Variants in ARHGAP15 observed in about 807,000 individuals in gnomAD.
ARHGAP15 encodes the protein Rho GTPase activating protein 15, also known as rho GTPase-activating protein 15.
ARHGAP15 carries 51 observed loss-of-function variants against 63.7 expected under a neutral mutation model. The ratio of observed to expected loss-of-function variants is 0.80; its 90% CI spans 0.64 to 1.01. ARHGAP15 has a LOEUF of 1.01. ARHGAP15 is among the 50% of genes least tolerant of loss of function. The pLI, the probability that ARHGAP15 is intolerant of heterozygous loss-of-function variation, is 0.00. For missense variants in ARHGAP15, 560 were observed against 564.6 expected, an observed-to-expected ratio of 0.99 and a Z score of 0.08; for synonymous variants, 191 against 193.8, an observed-to-expected ratio of 0.99 and a Z score of 0.12.
chr2:143,702,405 T>C (rs749481618), intron 12 of ARHGAP15, among the ~76,000 whole-genome samples: 2 of 152,190 alleles, frequency 1.3e-5, no homozygotes, highest in African/African-American at 2.4e-5. Context: ...AAATATGCTA[T>C]TTCAATTTTT....
Position 143,202,665 on chromosome 2 carries a change from T to G in ARHGAP15, c.234+463T>G, listed in dbSNP as rs116853654. Among the ~76,000 whole-genome samples the G allele has an allele frequency of 2.0e-3, 302 of 152,232 alleles. No homozygotes were observed. The East Asian group carries it at 0.021, about 10-fold the overall frequency. ...TTTGCCACATTCTTTTGGTTAAAAT[T>G]AAGTCATTAAGTCTAGTTCACACAA... On this transcript the variant is annotated intron_variant, in intron 3 of 13. Coordinates refer to ENST00000295095, the MANE Select transcript of ARHGAP15 (RefSeq NM_018460.4).
intron 1 of ARHGAP15, among the ~76,000 whole-genome samples, chr2:143,153,830 CTTCTTCTTCTTCT>C (rs1689950325): frequency 4.1e-4 from 38 of 93,220 alleles, no homozygotes; most frequent in African/African-American, 1.4e-3. Context: ...TCTTCTTCTT[CTTCTTCTTCTTCT>C]TCCTCCTCCT....
chr2:143,557,505 G>A (rs72990840), intron 11 of ARHGAP15, among the ~76,000 whole-genome samples: 237 of 152,068 alleles, frequency 1.6e-3, no homozygotes, highest in African/African-American at 5.3e-3. Context: ...GTGAGCACAG[G>A]GGATTTTGAG....
chr2:143,648,088 A>C (rs1472341344), intron 12 of ARHGAP15, among the ~76,000 whole-genome samples: 1 of 152,048 alleles, frequency 6.6e-6, no homozygotes, highest in Non-Finnish European at 1.5e-5. Flanking sequence ...GAGTCCTCTT[A>C]ACCCTGGGCA....
At chr2:143,534,650 G>A (rs964717057) in intron 10 of ARHGAP15, among the ~76,000 whole-genome samples, 5 of 152,074 alleles carry the variant, frequency 3.3e-5, no homozygotes, top group Admixed American at 2.0e-4. Flanking sequence ...AGGCTGAGGT[G>A]GGCAGATCTC....
At chr2:143,405,318 C>T (rs1276924834) in intron 6 of ARHGAP15, among the ~76,000 whole-genome samples, 1 of 150,766 alleles carries the variant, frequency 6.6e-6, no homozygotes, top group Non-Finnish European at 1.5e-5. Flanking sequence ...TGTATCGTGG[C>T]CTTAATCAAA....
chr2:143,249,655 G>C (rs907796625), intron 5 of ARHGAP15, among the ~76,000 whole-genome samples: 7 of 152,002 alleles, frequency 4.6e-5, no homozygotes, highest in African/African-American at 1.4e-4. Flanking sequence ...AAAAATAATT[G>C]GCGGTATGGA....
At chr2:143,541,411 T>G (rs4278878) in intron 10 of ARHGAP15, among the ~76,000 whole-genome samples, 47,748 of 152,064 alleles carry the variant, frequency 0.31, 8,027 homozygotes, top group East Asian at 0.42. Context: ...TTTGTTCTGT[T>G]GCTGGTGAGG....
chr2:143,710,237 C>T (rs747761568), intron 13 of ARHGAP15, among the ~76,000 whole-genome samples: 1 of 151,986 alleles, frequency 6.6e-6, no homozygotes, highest in Non-Finnish European at 1.5e-5. Context: ...AGCTCCTTTG[C>T]TTTTGTATTT....
At chr2:143,694,394 G>T (rs1290747067) in intron 12 of ARHGAP15, among the ~76,000 whole-genome samples, 2 of 152,196 alleles carry the variant, frequency 1.3e-5, no homozygotes, top group Non-Finnish European at 2.9e-5. Context: ...TAGGACCCAT[G>T]TGGTAAAATG....
At chr2:143,717,577 C>T (rs115424579) in intron 13 of ARHGAP15, among the ~76,000 whole-genome samples, 2,306 of 152,334 alleles carry the variant, frequency 0.015, 26 homozygotes, top group Middle Eastern at 0.027. Context: ...CACTTCTTGT[C>T]AGCAAAGCTC....
intron 9 of ARHGAP15, among the ~76,000 whole-genome samples, chr2:143,498,094 C>T (rs994635489): frequency 1.1e-4 from 16 of 152,242 alleles, no homozygotes; most frequent in Non-Finnish European, 2.4e-4. Flanking sequence ...ACAGTTTGGC[C>T]TACAAATCTT....
chr2:143,412,517 A>C (rs1259832346), intron 6 of ARHGAP15, among the ~76,000 whole-genome samples: 1 of 152,152 alleles, frequency 6.6e-6, no homozygotes, highest in Non-Finnish European at 1.5e-5. Context: ...TTCTTGTGAA[A>C]ATTACTTTTA....
intron 6 of ARHGAP15, among the ~76,000 whole-genome samples, chr2:143,416,716 G>C (rs1207406651): frequency 6.6e-6 from 1 of 151,954 alleles, no homozygotes; most frequent in Non-Finnish European, 1.5e-5. Context: ...GTTCTCACGG[G>C]CACAGCAACG....
At chr2:143,697,355 AG>A (rs983255550) in intron 12 of ARHGAP15, among the ~76,000 whole-genome samples, 1 of 152,316 alleles carries the variant, frequency 6.6e-6, no homozygotes, top group Admixed American at 6.5e-5. Flanking sequence ...GAGGACTTAC[AG>A]GGGACTTACT....
intron 2 of ARHGAP15, among the ~76,000 whole-genome samples, chr2:143,172,810 A>C (rs1690845189): frequency 6.6e-6 from 1 of 152,112 alleles, no homozygotes; most frequent in South Asian, 2.1e-4. Context: ...AGGGACAATC[A>C]ATTACGTGAG....
At chr2:143,318,925 T>C (rs1427169592) in intron 6 of ARHGAP15, among the ~76,000 whole-genome samples, 1 of 152,212 alleles carries the variant, frequency 6.6e-6, no homozygotes, top group African/African-American at 2.4e-5. Flanking sequence ...AGCATTCAAA[T>C]GATCAGGTTC....
intron 11 of ARHGAP15, among the ~76,000 whole-genome samples, chr2:143,559,105 A>G (rs890297632): frequency 6.6e-6 from 1 of 152,180 alleles, no homozygotes; most frequent in Middle Eastern, 3.2e-3. Flanking sequence ...CTTACAATAT[A>G]GTTTATGCTG....
At chr2:143,505,096 A>G (rs541160209) in intron 9 of ARHGAP15, among the ~76,000 whole-genome samples, 286 of 152,286 alleles carry the variant, frequency 1.9e-3, no homozygotes, top group Admixed American at 4.6e-3. Context: ...AGTCCCTGGG[A>G]CTTAGCCAGA....
Sources: gnomAD v4.1 joint callset for allele counts (sites outside exome capture counted in the v4.1 genomes callset) on GRCh38, gnomAD v4.1.1 for gene constraint, MANE v1.5 for transcripts, NCBI Gene and HGNC (gene_info 2026-07-23, HGNC 2026-07-21) for gene names.